The following COG5 variants were observed in gnomAD, a reference collection of about 807,000 sequenced individuals.
COG5 encodes the protein component of oligomeric golgi complex 5.
COG5 carries 86 observed loss-of-function variants against 110.4 expected under a neutral mutation model. The ratio of observed to expected loss-of-function variants is 0.78; its 90% CI spans 0.65 to 0.93. COG5 has a LOEUF of 0.93. COG5 is among the 40% of genes least tolerant of loss of function. COG5 has a pLI of 0.00. For synonymous variants in COG5, 360 were observed against 334.6 expected (o/e 1.08, Z -0.83); for missense variants, 1,077 against 987.0 (o/e 1.09, Z -1.22).
chr7:107,205,396 T>G (rs1396114648), intron 21 of COG5, among the ~76,000 whole-genome samples: 2 of 152,184 alleles, frequency 1.3e-5, no homozygotes, highest in Non-Finnish European at 2.9e-5. Context: ...TGATGTGGCC[T>G]AAAAAGACCC....
intron 6 of COG5, among the ~76,000 whole-genome samples, chr7:107,480,532 G>C (rs1409789182): frequency 6.6e-6 from 1 of 152,014 alleles, no homozygotes; most frequent in Non-Finnish European, 1.5e-5. Context: ...CCCAGATGAG[G>C]CTGGAAAAAG....
At chr7:107,340,571 A>G (rs765485032) in intron 10 of COG5, among the ~76,000 whole-genome samples, 2 of 152,188 alleles carry the variant, frequency 1.3e-5, no homozygotes, top group Non-Finnish European at 2.9e-5. Context: ...TGGCAAAGGC[A>G]AAATGACAAA....
At chr7:107,436,821 T>A (rs1794397527) in intron 6 of COG5, among the ~76,000 whole-genome samples, 1 of 152,210 alleles carries the variant, frequency 6.6e-6, no homozygotes, top group Non-Finnish European at 1.5e-5. Flanking sequence ...TCAGCAAATG[T>A]CATCAAGACG....
rs531248559 is a variant in COG5 at position 107,356,086 on chromosome 7, T to C, written c.1026+5947A>G. On this transcript the variant is annotated intron_variant, in intron 10 of 21. Transcript: ENST00000297135. ...ATCAAAATTAATTTTAAAACAACTCTAGATATTGAACTACAATAAAAGGAC... is the reference window on the plus strand; with the variant it reads ...ATCAAAATTAATTTTAAAACAACTCCAGATATTGAACTACAATAAAAGGAC... Among the ~76,000 whole-genome samples the C allele has an allele frequency of 5.3e-5, 8 of 152,256 alleles. 2 individuals carry two copies. The highest frequency in any genetic ancestry group is 1.9e-4 in the African/African-American group (8 of 41,544).
At chr7:107,307,436 G>C (rs565294909) in intron 11 of COG5, among the ~76,000 whole-genome samples, 1 of 152,188 alleles carries the variant, frequency 6.6e-6, no homozygotes, top group Non-Finnish European at 1.5e-5. Flanking sequence ...ATAATGTAGA[G>C]AGAATAGTAT....
At chr7:107,380,310 CATCAGAGCAGAACTGAAGGAGAT>C (rs1343590563) in intron 7 of COG5, among the ~76,000 whole-genome samples, 1 of 151,910 alleles carries the variant, frequency 6.6e-6, no homozygotes, top group Non-Finnish European at 1.5e-5. Flanking sequence ...AAATAACTAA[CATCAGAGCAGAACTGAAGGAGAT>C]ACAGACACGA....
chr7:107,423,627 G>A (rs1052910085), intron 6 of COG5, among the ~76,000 whole-genome samples: 1 of 151,016 alleles, frequency 6.6e-6, no homozygotes, highest in African/African-American at 2.4e-5. Flanking sequence ...ACTAGCAAAT[G>A]TGATTACCTT....
chr7:107,505,689 T>C (rs1427518209), intron 6 of COG5, among the ~76,000 whole-genome samples: 1 of 152,194 alleles, frequency 6.6e-6, no homozygotes, highest in Non-Finnish European at 1.5e-5. Flanking sequence ...GGCAACTGTA[T>C]TTCTCCTGAA....
chr7:107,541,914 A>G (rs1163739945), intron 5 of COG5, among the ~76,000 whole-genome samples: 1 of 150,892 alleles, frequency 6.6e-6, no homozygotes, highest in East Asian at 2.0e-4. Context: ...TGGGCAACAG[A>G]GTGAGACTCC....
rs145472519 is a variant in COG5 at position 107,299,873 on chromosome 7, A to AATATAT, written c.1109-1533_1109-1528dup. Reference sequence around the variant, plus strand: ...TATATATATATCTGGAATTATCTGGAATATATATATATATATATATGGAAT... The same window carrying AATATAT: ...TATATATATATCTGGAATTATCTGGAATATATATATATATATATATATATATGGAAT... On this transcript the variant is annotated intron_variant, in intron 11 of 21. Coordinates refer to ENST00000297135, the MANE Select transcript of COG5 (RefSeq NM_006348.5). 9.2e-4 allele frequency among the ~76,000 whole-genome samples: 114 copies of AATATAT among 124,440 alleles called. 1 individual carries two copies. The highest frequency in any genetic ancestry group is 1.9e-3 in the Admixed American group (22 of 11,718). 81.6% of individuals were successfully genotyped at this position (124,440 alleles called of 152,430 possible).
intron 19 of COG5, among the ~76,000 whole-genome samples, chr7:107,221,635 T>G (rs1799932827): frequency 6.6e-6 from 1 of 151,772 alleles, no homozygotes; most frequent in Non-Finnish European, 1.5e-5. Context: ...CATGGTAGCG[T>G]GTGCCTGTAG....
chr7:107,405,725 A>G (rs1697787986), intron 7 of COG5, among the ~76,000 whole-genome samples: 1 of 152,194 alleles, frequency 6.6e-6, no homozygotes, highest in African/African-American at 2.4e-5. Context: ...TTTCCTCCTC[A>G]ATTCATATGA....
intron 15 of COG5, among the ~76,000 whole-genome samples, chr7:107,257,378 T>G (rs1802967238): frequency 6.6e-6 from 1 of 152,128 alleles, no homozygotes; most frequent in Non-Finnish European, 1.5e-5. Context: ...AATAACTCTT[T>G]AACATGTATT....
chr7:107,391,880 A>G (rs1419682527), intron 7 of COG5, among the ~76,000 whole-genome samples: 2 of 152,202 alleles, frequency 1.3e-5, no homozygotes, highest in Non-Finnish European at 2.9e-5. Flanking sequence ...TCACAAGGTC[A>G]GGAGTTCGAG....
At chr7:107,468,388 T>C (rs988839057) in intron 6 of COG5, among the ~76,000 whole-genome samples, 1 of 152,098 alleles carries the variant, frequency 6.6e-6, no homozygotes, top group African/African-American at 2.4e-5. Context: ...TCTCTGGTCT[T>C]AGTTTTAAGC....
intron 19 of COG5, among the ~76,000 whole-genome samples, chr7:107,217,202 A>C (rs192913622): frequency 6.6e-6 from 1 of 152,258 alleles, no homozygotes; most frequent in East Asian, 1.9e-4. Context: ...TAGAACAAAC[A>C]GAGAATCTGA....
intron 6 of COG5, among the ~76,000 whole-genome samples, chr7:107,420,570 C>G (rs1191387786): frequency 6.6e-6 from 1 of 152,156 alleles, no homozygotes; most frequent in African/African-American, 2.4e-5. Flanking sequence ...AAGTGATTCT[C>G]CTGCCTCAGC....
At chr7:107,342,188 A>C (rs1420170719) in intron 10 of COG5, among the ~76,000 whole-genome samples, 1 of 152,092 alleles carries the variant, frequency 6.6e-6, no homozygotes, top group African/African-American at 2.4e-5. Flanking sequence ...AAAACAAATA[A>C]TCTCATTAAA....
chr7:107,342,638 A>G (rs573094299), intron 10 of COG5, among the ~76,000 whole-genome samples: 1 of 152,222 alleles, frequency 6.6e-6, no homozygotes, highest in South Asian at 2.1e-4. Context: ...AGATCACGCC[A>G]CTGCATTCCA....
Sources: gnomAD v4.1 joint callset for allele counts (sites outside exome capture counted in the v4.1 genomes callset) on GRCh38, gnomAD v4.1.1 for gene constraint, MANE v1.5 for transcripts, NCBI Gene and HGNC (gene_info 2026-07-23, HGNC 2026-07-21) for gene names.